VPS53: variants seen among roughly 807,000 people sequenced by gnomAD.
VPS53 encodes the protein VPS53 subunit of GARP complex, also known as vacuolar protein sorting-associated protein 53 homolog.
In VPS53, 70 loss-of-function variants were observed where a neutral mutation model predicts 107.0. The observed-to-expected ratio is 0.65, with a 90% CI of 0.54 to 0.80. VPS53 has a LOEUF of 0.80. Ranked by LOEUF, VPS53 falls within the 30% of genes least tolerant of loss-of-function variation. VPS53 has a pLI of 0.00. For missense variants in VPS53, 917 were observed against 1,049.4 expected (o/e 0.87, Z 1.74); for synonymous variants, 409 against 393.3 (o/e 1.04, Z -0.47).
At chr17:648,013 C>T (rs1297743314) in intron 7 of VPS53, among the ~76,000 whole-genome samples, 1 of 152,204 alleles carries the variant, frequency 6.6e-6, no homozygotes, top group Admixed American at 6.5e-5. Flanking sequence ...GGGTGGGCCT[C>T]TGGGTCTGAG....
intron 19 of VPS53, among the ~76,000 whole-genome samples, chr17:526,439 A>T (rs1432481265): frequency 6.6e-6 from 1 of 152,216 alleles, no homozygotes; most frequent in Non-Finnish European, 1.5e-5. Flanking sequence ...TGTCTTTACC[A>T]GACACTGAGA....
intron 18 of VPS53, 83 bp downstream of exon 18, chr17:536,945 G>T: frequency 6.5e-7 from 1 of 1,531,944 alleles, no homozygotes; most frequent in Non-Finnish European, 8.9e-7. Flanking sequence ...TGCTTAATTT[G>T]GCTGTGAACC....
In VPS53 at chr17:623,521, G is replaced by A. The variant is rs1294345654; in HGVS notation, c.1116+12C>T. The A allele has an allele frequency of 6.2e-7, 1 of 1,608,244 alleles. No homozygotes were observed. Among genetic ancestry groups the A allele is most frequent in the Non-Finnish European group, 8.5e-7 (1 of 1,175,668 alleles). ...CTGATTTCACGTGGCAGCTCCCTAG[G>A]GAAGGTCTTACCAGGGTCCCATCGG... On this transcript the variant is annotated intron_variant, in intron 11 of 21. Transcript: ENST00000437048.
intron 12 of VPS53, 132 bp from the exon 13 acceptor site, chr17:586,496 G>A (rs1199302218): frequency 1.2e-5 from 10 of 853,544 alleles, no homozygotes; most frequent in Non-Finnish European, 1.8e-5. Flanking sequence ...AACCCAATAC[G>A]ATGGTTTCAC....
chr17:653,602 A>G (rs1971051097), intron 6 of VPS53, among the ~76,000 whole-genome samples, 192 bp from the exon 7 acceptor site: 1 of 152,208 alleles, frequency 6.6e-6, no homozygotes, highest in Non-Finnish European at 1.5e-5. Flanking sequence ...TCAAGGTGAC[A>G]CCATATAGTA....
intron 13 of VPS53, among the ~76,000 whole-genome samples, chr17:566,927 T>C (rs1001645097): frequency 6.6e-6 from 1 of 151,910 alleles, no homozygotes; most frequent in Admixed American, 6.6e-5. Context: ...CTTTTTTTTT[T>C]AGTAGAGATG....
rs374115404 is a variant in VPS53 at position 709,181 on chromosome 17, G to A, written c.168+1352C>T. 1.0e-3 allele frequency among the ~76,000 whole-genome samples: 150 copies of A among 150,538 alleles called. 1 individual carries two copies. The highest frequency in any genetic ancestry group is 7.0e-3 in the South Asian group (33 of 4,692). On this transcript the variant is annotated intron_variant, in intron 2 of 21. Transcript: ENST00000437048. ...CACGGAACCTGCCTGGTATCACGGC[G>A]CATCACGCTCTGTCACGGAACCTGC...
intron 11 of VPS53, among the ~76,000 whole-genome samples, chr17:610,297 T>C (rs766717562): frequency 2.6e-5 from 4 of 152,170 alleles, no homozygotes; most frequent in South Asian, 2.1e-4. Context: ...AAAATCTTTC[T>C]GTAGTAGTTG....
intron 10 of VPS53, among the ~76,000 whole-genome samples, chr17:626,794 A>G (rs951476762): frequency 6.6e-5 from 10 of 152,188 alleles, no homozygotes; most frequent in Admixed American, 6.5e-4. Flanking sequence ...CCCTGTCTCT[A>G]TGGAACTATC....
rs554021532 is a variant in VPS53 at position 531,505 on chromosome 17, CT to C, written c.2085+1336del. 2.7e-3 allele frequency among the ~76,000 whole-genome samples: 398 copies of C among 146,772 alleles called. 5 individuals are homozygous for C. Among genetic ancestry groups the C allele is most frequent in the Middle Eastern group, 7.1e-3 (2 of 280 alleles). ...AGCTTACTATAATCATTAAAAGACTCTTTTTTTTTTTGTGGGGCAGATGGTG... is the reference window on the plus strand; with the variant it reads ...AGCTTACTATAATCATTAAAAGACTCTTTTTTTTTTGTGGGGCAGATGGTG... On this transcript the variant is annotated intron_variant, in intron 19 of 21. Transcript: ENST00000437048.
At chr17:578,526 G>C (rs572122003) in intron 13 of VPS53, among the ~76,000 whole-genome samples, 1 of 147,402 alleles carries the variant, frequency 6.8e-6, no homozygotes, top group Non-Finnish European at 1.5e-5. Context: ...AACCTAATGC[G>C]TTCCCAGAGA....
At position 518,488 on chromosome 17, in the gene VPS53, G is replaced by C. The variant is rs189416022; in HGVS notation, c.*640C>G. 2 of 152,332 alleles carry C rather than the reference G, an allele frequency of 1.3e-5. No individual in the cohort carries two copies. Among genetic ancestry groups the C allele is most frequent in the African/African-American group, 2.4e-5 (1 of 41,566 alleles). The allele number at this position is 152,332 out of a possible 1,614,324, so 9.4% of individuals were successfully genotyped here. On this transcript the variant is annotated 3_prime_UTR_variant, in exon 22 of 22. Coordinates refer to ENST00000437048, the MANE Select transcript of VPS53 (RefSeq NM_001128159.3). ...AAGGTGAGTGGGCAGAAAGGGGTTT[G>C]AGAGTATGGACTTCCTGGGCGTTCC...
At chr17:670,297 C>CAA (rs938519934) in intron 4 of VPS53, among the ~76,000 whole-genome samples, 1 of 152,196 alleles carries the variant, frequency 6.6e-6, no homozygotes, top group African/African-American at 2.4e-5. Context: ...CCGTGCTCCT[C>CAA]TTTTAAGACT....
chr17:695,755 T>C (rs1468173082), intron 4 of VPS53, among the ~76,000 whole-genome samples: 2 of 152,174 alleles, frequency 1.3e-5, no homozygotes, highest in Admixed American at 6.5e-5. Flanking sequence ...TTTTGTCATG[T>C]TGCCCAGGCT....
At chr17:699,652 A>G (rs912529650) in intron 2 of VPS53, among the ~76,000 whole-genome samples, 1 of 152,226 alleles carries the variant, frequency 6.6e-6, no homozygotes, top group Non-Finnish European at 1.5e-5. Flanking sequence ...TTAAGCTAAC[A>G]TGGCAGGTAG....
intron 7 of VPS53, among the ~76,000 whole-genome samples, chr17:643,702 GTGAGGA>G: frequency 6.8e-6 from 1 of 146,096 alleles, no homozygotes; most frequent in African/African-American, 2.6e-5. Flanking sequence ...TACTTGGAAA[GTGAGGA>G]CAACACTCAT....
chr17:570,608 G>A (rs1913950292), intron 13 of VPS53, among the ~76,000 whole-genome samples: 1 of 152,158 alleles, frequency 6.6e-6, no homozygotes, highest in African/African-American at 2.4e-5. Flanking sequence ...AGTCTTCTGG[G>A]TTGAAGGAGA....
rs140141529 is a variant in VPS53 at position 614,353 on chromosome 17, A to G, written c.1116+9180T>C. On this transcript the variant is annotated intron_variant, in intron 11 of 21. Coordinates refer to ENST00000437048, the MANE Select transcript of VPS53 (RefSeq NM_001128159.3). ...ATACAATTTCAACCATGTAAAATAT[A>G]TAGAAAGAATATACCCAAATCCTCA... 2.2e-4 allele frequency among the ~76,000 whole-genome samples: 33 copies of G among 152,338 alleles called. No individual in the cohort carries two copies. In the East Asian group the frequency reaches 6.0e-3, roughly 28 times the overall value.
At chr17:606,448 T>G (rs370880958) in intron 11 of VPS53, among the ~76,000 whole-genome samples, 162 of 152,124 alleles carry the variant, frequency 1.1e-3, no homozygotes, top group African/African-American at 3.0e-3. Flanking sequence ...GAGGCATGCG[T>G]GTCAGGCGTG....
Sources: gnomAD v4.1 joint callset for allele counts (sites outside exome capture counted in the v4.1 genomes callset) on GRCh38, gnomAD v4.1.1 for gene constraint, MANE v1.5 for transcripts, NCBI Gene and HGNC (gene_info 2026-07-23, HGNC 2026-07-21) for gene names.